TSHZ3: variants seen among roughly 807,000 people sequenced by gnomAD.
TSHZ3 encodes the protein teashirt homolog 3.
In TSHZ3, 10 loss-of-function variants were observed where a neutral mutation model predicts 64.5. The ratio of observed to expected loss-of-function variants is 0.16; its 90% confidence interval spans 0.10 to 0.26. The LOEUF is 0.26. Among genes scored for constraint, TSHZ3 ranks in the 10% least tolerant of loss-of-function variants. The pLI is 1.00. For synonymous variants in TSHZ3, 608 were observed against 593.1 expected (o/e 1.03, Z -0.36); for missense variants, 1,242 against 1,421.7 (o/e 0.87, Z 2.03).
chr19:31,345,707 G>T (rs975194633), intron 1 of TSHZ3, among the ~76,000 whole-genome samples: 1 of 151,726 alleles, frequency 6.6e-6, no homozygotes, highest in African/African-American at 2.4e-5. Flanking sequence ...TCTTTTGGAA[G>T]CATAAGAAAT....
intron 5 of TSHZ3, among the ~76,000 whole-genome samples, chr19:31,202,674 T>C (rs1277422473): frequency 6.6e-6 from 1 of 152,218 alleles, no homozygotes; most frequent in Non-Finnish European, 1.5e-5. Flanking sequence ...GGGTAAACTC[T>C]TTTTTAAGCC....
At chr19:31,150,616 G>A (rs561283373) in exon 7 of TSHZ3, among the ~76,000 whole-genome samples, 1 of 152,334 alleles carries the variant, frequency 6.6e-6, no homozygotes, top group Non-Finnish European at 1.5e-5. Flanking sequence ...ATGGCCCACA[G>A]CGCACGGGGC....
intron 5 of TSHZ3, among the ~76,000 whole-genome samples, chr19:31,169,973 G>T (rs900193158): frequency 6.6e-6 from 1 of 152,172 alleles, no homozygotes; most frequent in African/African-American, 2.4e-5. Context: ...ACAGCAGTCA[G>T]CTGTTTTTCA....
chr19:31,245,915 C>A (rs1034183237), intron 1 of TSHZ3, among the ~76,000 whole-genome samples: 10 of 152,148 alleles, frequency 6.6e-5, no homozygotes, highest in Non-Finnish European at 5.9e-5. Context: ...TCCCAACAAT[C>A]CTACTTCTCT....
chr19:31,258,833 G>A (rs981429911), intron 1 of TSHZ3, among the ~76,000 whole-genome samples: 1 of 152,164 alleles, frequency 6.6e-6, no homozygotes, highest in Non-Finnish European at 1.5e-5. Flanking sequence ...GGGCCCTAGG[G>A]CTGGCTTCCC....
At chr19:31,336,413 A>G (rs1426260877) in intron 1 of TSHZ3, among the ~76,000 whole-genome samples, 1 of 152,128 alleles carries the variant, frequency 6.6e-6, no homozygotes, top group African/African-American at 2.4e-5. Context: ...GACCACACGG[A>G]GACAGATTCG....
Position 31,277,489 on chromosome 19 carries a change from G to T in TSHZ3, c.2304C>A (p.Pro768=). Residue 768 remains proline (P), a synonymous_variant, in exon 2 of 2, where the codon CCC becomes CCA. Transcript: ENST00000240587. The surrounding 1 kb of genome is among the most constrained non-coding windows in gnomAD (Gnocchi z 4.5). The stretch of plus-strand genomic sequence containing the variant: ...GGTGGTCTGCCTTCTTGGACTGCAG[G>T]GGCGGCGGGGTGGCCACAGCAGCCT... ...AEKAAVATPP[P]LQSKKADHLD... 1 of 1,609,652 alleles carries T rather than the reference G, an allele frequency of 6.2e-7. No individual in the cohort carries two copies.
rs1484271843 is a variant in TSHZ3, at chr19:31,279,325, G to GCTGCTA, written c.462_467dup (p.Ser158_Ser159dup). On this transcript the variant is annotated inframe_insertion, in exon 2 of 2. Transcript: ENST00000240587. This position sits in a 1 kb window ranked among gnomAD's most constrained non-coding sequence, Gnocchi z 6.4. ...AGCTCCCGCTGCCACAGCTGCTGCT[G>GCTGCTA]CTGCTACTGCTGCTGCTGCTGCTGC... 1 of 1,613,570 alleles carries GCTGCTA rather than the reference G, an allele frequency of 6.2e-7. No homozygotes were observed.
chr19:31,315,775 T>C (rs1293458684), intron 1 of TSHZ3, among the ~76,000 whole-genome samples: 12 of 152,220 alleles, frequency 7.9e-5, no homozygotes, highest in Non-Finnish European at 2.9e-5. Context: ...TAATTTAATC[T>C]TGAATGATTT....
chr19:31,222,215 T>C (rs1400906992), intron 4 of TSHZ3, among the ~76,000 whole-genome samples: 1 of 152,240 alleles, frequency 6.6e-6, no homozygotes, highest in East Asian at 1.9e-4. Context: ...ATGTTACTAA[T>C]GAACGTCACA....
At chr19:31,286,868 G>T (rs1434226208) in intron 1 of TSHZ3, among the ~76,000 whole-genome samples, 1 of 152,196 alleles carries the variant, frequency 6.6e-6, no homozygotes, top group Non-Finnish European at 1.5e-5. Context: ...ATCATGTCCG[G>T]GGAGAGAAGA....
At chr19:31,232,788 A>G (rs1391182486) in intron 3 of TSHZ3, among the ~76,000 whole-genome samples, 2 of 152,164 alleles carry the variant, frequency 1.3e-5, no homozygotes, top group African/African-American at 2.4e-5. Flanking sequence ...CTGTTTTAAT[A>G]TAATTGGAAC....
intron 1 of TSHZ3, among the ~76,000 whole-genome samples, chr19:31,304,755 G>A (rs1299728589): frequency 6.6e-6 from 1 of 152,188 alleles, no homozygotes; most frequent in Non-Finnish European, 1.5e-5. Context: ...AAGGTAGTTT[G>A]TAAAAATTAT....
chr19:31,196,557 A>G (rs143669526), intron 5 of TSHZ3, among the ~76,000 whole-genome samples: 28 of 152,098 alleles, frequency 1.8e-4, no homozygotes, highest in African/African-American at 6.3e-4. Flanking sequence ...AATGAAATCC[A>G]ACTATAGGTT....
At chr19:31,226,973 C>CTTT (rs1255178594) in intron 4 of TSHZ3, among the ~76,000 whole-genome samples, 4 of 68,154 alleles carry the variant, frequency 5.9e-5, no homozygotes, top group African/African-American at 3.6e-4. Flanking sequence ...TTCTTTCTTT[C>CTTT]TTTCTTTTTT....
At chr19:31,217,581 C>A (rs1313560657) in intron 4 of TSHZ3, among the ~76,000 whole-genome samples, 47 of 152,108 alleles carry the variant, frequency 3.1e-4, no homozygotes. Flanking sequence ...ACATGCACAG[C>A]CTCCTCCATT....
chr19:31,208,336 C>G (rs1379307150), intron 4 of TSHZ3, among the ~76,000 whole-genome samples: 1 of 152,102 alleles, frequency 6.6e-6, no homozygotes, highest in East Asian at 1.9e-4. Context: ...TAATAATTTC[C>G]CATCTTTGTC....
intron 5 of TSHZ3, among the ~76,000 whole-genome samples, chr19:31,173,762 C>A (rs76944304): frequency 0.04 from 6,112 of 152,232 alleles, 410 homozygotes; most frequent in African/African-American, 0.14. Flanking sequence ...GAAACTGAAC[C>A]AACAGGATAC....
chr19:31,254,011 C>T (rs1294284412), intron 1 of TSHZ3, among the ~76,000 whole-genome samples: 4 of 152,252 alleles, frequency 2.6e-5, no homozygotes, highest in Admixed American at 1.3e-4. Context: ...TGTCTGAACA[C>T]TACTCTCCTC....
Sources: allele counts gnomAD v4.1 joint callset (sites outside exome capture counted in the v4.1 genomes callset), GRCh38; gene constraint gnomAD v4.1.1; non-coding constraint Gnocchi (gnomAD v3.1); transcripts MANE v1.5; gene names NCBI Gene and HGNC (gene_info 2026-07-23, HGNC 2026-07-21).